CEP70: variants seen among roughly 807,000 people sequenced by gnomAD.
The protein encoded by CEP70 is centrosomal protein of 70 kDa.
A neutral mutation model predicts 90.9 loss-of-function variants in CEP70; 70 were observed. The ratio of observed to expected loss-of-function variants is 0.77; its 90% CI spans 0.64 to 0.94. CEP70 has a LOEUF of 0.94. Among genes scored for constraint, CEP70 ranks in the 40% least tolerant of loss-of-function variants. CEP70 has a pLI of 0.00. For synonymous variants in CEP70, 220 were observed against 228.3 expected (o/e 0.96, Z 0.33); for missense variants, 648 against 669.0 (o/e 0.97, Z 0.35).
intron 12 of CEP70, among the ~76,000 whole-genome samples, chr3:138,507,382 T>C (rs2035084547): frequency 1.3e-5 from 2 of 152,194 alleles, no homozygotes; most frequent in Admixed American, 1.3e-4. Flanking sequence ...TCAATTTTAG[T>C]TCATCTCAAT....
At chr3:138,547,219 A>G (rs2039279031) in intron 6 of CEP70, among the ~76,000 whole-genome samples, 1 of 152,192 alleles carries the variant, frequency 6.6e-6, no homozygotes, top group Non-Finnish European at 1.5e-5. Context: ...AGAACTAGAA[A>G]TTGAGTTTTA....
At chr3:138,577,439 G>T (rs1049562495) in intron 2 of CEP70, among the ~76,000 whole-genome samples, 2 of 152,014 alleles carry the variant, frequency 1.3e-5, no homozygotes, top group African/African-American at 4.8e-5. Flanking sequence ...ACGAAGTCAG[G>T]AGATCAAGAC....
intron 6 of CEP70, among the ~76,000 whole-genome samples, chr3:138,546,031 G>C (rs538594568): frequency 1.3e-5 from 2 of 152,182 alleles, no homozygotes; most frequent in South Asian, 4.1e-4. Context: ...GCCCTTTAAA[G>C]CATGTGATCT....
At chr3:138,546,440 A>C (rs1031343367) in intron 6 of CEP70, among the ~76,000 whole-genome samples, 1 of 152,140 alleles carries the variant, frequency 6.6e-6, no homozygotes, top group African/African-American at 2.4e-5. Flanking sequence ...TATCCTTTTA[A>C]AGCTCATTAT....
chr3:138,518,471 C>T (rs1461596774), intron 11 of CEP70, among the ~76,000 whole-genome samples: 2 of 152,176 alleles, frequency 1.3e-5, no homozygotes, highest in African/African-American at 4.8e-5. Context: ...CCGGGTACTC[C>T]TCTGAGACAA....
chr3:138,562,897 G>T (rs376841104), intron 6 of CEP70, among the ~76,000 whole-genome samples: 1 of 152,048 alleles, frequency 6.6e-6, no homozygotes, highest in Non-Finnish European at 1.5e-5. Flanking sequence ...CCACTTAAAA[G>T]ACACAGATTG....
intron 13 of CEP70, among the ~76,000 whole-genome samples, chr3:138,501,647 TA>T (rs1269362184): frequency 6.6e-6 from 1 of 152,212 alleles, no homozygotes; most frequent in Non-Finnish European, 1.5e-5. Context: ...AAAGGTTCCC[TA>T]AATGTATTCT....
chr3:138,508,643 C>T, intron 11 of CEP70, 99 bp from the exon 12 acceptor site: 1 of 756,080 alleles, frequency 1.3e-6, no homozygotes, highest in Non-Finnish European at 2.4e-6. Context: ...CTCCCAACAG[C>T]CTTATATCAC....
chr3:138,563,764 A>G (rs11923867), intron 6 of CEP70, among the ~76,000 whole-genome samples: 7,295 of 152,182 alleles, frequency 0.048, 562 homozygotes, highest in African/African-American at 0.16. Flanking sequence ...TAAAATCGAC[A>G]CCTAAAATCA....
intron 6 of CEP70, among the ~76,000 whole-genome samples, chr3:138,551,622 T>C (rs2039620133): frequency 6.6e-6 from 1 of 151,954 alleles, no homozygotes. Context: ...GGCGTGTGTC[T>C]GTAGTTCCAG....
At chr3:138,532,681 G>A in intron 7 of CEP70, 111 bp from the exon 8 acceptor site, 2 of 995,246 alleles carry the variant, frequency 2.0e-6, no homozygotes, top group South Asian at 6.6e-5. Context: ...CAGATTATCT[G>A]GCAGGCTTTA....
chr3:138,494,999 A>ATGATT lies in CEP70; in HGVS notation c.*11_*15dup, dbSNP rs4035332. On this transcript the variant is annotated 3_prime_UTR_variant, in exon 18 of 18. Transcript: ENST00000264982. ...TAAGAATACAATTTACACAGTAAAA[A>ATGATT]TGATTTGATTTGTTTTCAGTATGAA... 6 of 1,311,514 alleles carry ATGATT rather than the reference A, an allele frequency of 4.6e-6. No homozygotes were observed. Among genetic ancestry groups the ATGATT allele is most frequent in the Non-Finnish European group, 2.2e-6 (2 of 920,390 alleles). 81.2% of individuals were successfully genotyped at this position (1,311,514 alleles called of 1,614,324 possible).
chr3:138,543,637 G>A (rs551173586), intron 6 of CEP70, among the ~76,000 whole-genome samples: 15 of 152,264 alleles, frequency 9.9e-5, no homozygotes, highest in African/African-American at 3.6e-4. Context: ...CATGGAGCAC[G>A]CAGCCCTGCC....
chr3:138,522,208 A>T (rs1174766289), intron 11 of CEP70, among the ~76,000 whole-genome samples: 1 of 151,812 alleles, frequency 6.6e-6, no homozygotes, highest in Non-Finnish European at 1.5e-5. Flanking sequence ...TTATCTGCTG[A>T]CCTTCTCTCC....
intron 2 of CEP70, among the ~76,000 whole-genome samples, chr3:138,581,684 A>T (rs954469921): frequency 7.3e-6 from 1 of 137,586 alleles, no homozygotes; most frequent in African/African-American, 2.7e-5. Flanking sequence ...GACAAGAGTG[A>T]AACTTGTCTC....
At chr3:138,527,356 C>T (rs1233478503) in intron 10 of CEP70, among the ~76,000 whole-genome samples, 1 of 150,262 alleles carries the variant, frequency 6.7e-6, no homozygotes, top group African/African-American at 2.4e-5. Flanking sequence ...ATATGGAACG[C>T]TTCATGAATT....
At chr3:138,506,181 G>C (rs886186210) in intron 12 of CEP70, among the ~76,000 whole-genome samples, 5 of 152,108 alleles carry the variant, frequency 3.3e-5, no homozygotes, top group African/African-American at 1.2e-4. Flanking sequence ...GACTATTTAA[G>C]GAAATTAACA....
intron 2 of CEP70, among the ~76,000 whole-genome samples, chr3:138,578,134 C>G (rs914164491): frequency 9.9e-5 from 15 of 152,114 alleles, no homozygotes; most frequent in African/African-American, 3.4e-4. Flanking sequence ...TACCGTTGGC[C>G]CTCCTTATCT....
chr3:138,506,884 G>A (rs1264870502), intron 12 of CEP70, among the ~76,000 whole-genome samples: 1 of 152,028 alleles, frequency 6.6e-6, no homozygotes, highest in Admixed American at 6.6e-5. Context: ...AGGACTACAG[G>A]CACAAGCCAC....
Sources: allele counts gnomAD v4.1 joint callset (sites outside exome capture counted in the v4.1 genomes callset), GRCh38; gene constraint gnomAD v4.1.1; transcripts MANE v1.5; gene names NCBI Gene and HGNC (gene_info 2026-07-23, HGNC 2026-07-21).